The following KIF26B variants were observed in gnomAD, a reference collection of about 807,000 sequenced individuals.
The protein encoded by KIF26B is kinesin family member 26B, also known as kinesin-like protein KIF26B.
Under a neutral mutation model 151.2 loss-of-function variants are expected in KIF26B, and 63 were observed. That is an observed-to-expected ratio of 0.42 (90% CI 0.34 to 0.51). The LOEUF is 0.51. Among genes scored for constraint, KIF26B ranks in the 20% least tolerant of loss-of-function variants. The pLI is 0.07. For synonymous variants in KIF26B, 1,357 were observed against 1,262.1 expected, an observed-to-expected ratio of 1.08 and a Z score of -1.59; for missense variants, 2,813 against 2,913.6, an observed-to-expected ratio of 0.97 and a Z score of 0.79.
Position 245,686,599 on chromosome 1 carries a change from C to T in KIF26B, c.3616C>T (p.Arg1206Cys), listed in dbSNP as rs777110547. The T allele has an allele frequency of 1.2e-5, 20 of 1,611,436 alleles. No individual in the cohort carries two copies. The African/African-American group carries it at 1.3e-4, about 11-fold the overall frequency. The change falls in exon 12 of 15, where the codon CGC (arginine) becomes TGC (cysteine). Residue 1206 changes from arginine to cysteine, a missense_variant. Physicochemically the swap from Arg to Cys is radical, Grantham distance 180. This residue lies in a region of KIF26B where 2,060 missense variants were observed against 2,088.6 expected (regional missense o/e 0.99). Transcript: ENST00000407071. This position sits in a 1 kb window ranked among gnomAD's most constrained non-coding sequence, Gnocchi z 5.6. ...LTISGVLDSG[R>C]PTSIISFNSD... The stretch of plus-strand genomic sequence containing the variant: ...CATCAGCGGGGTCCTGGACAGCGGC[C>T]GCCCCACCAGCATCATCAGCTTCAA...
At chr1:245,319,602 T>G (rs2102986396) in intron 2 of KIF26B, among the ~76,000 whole-genome samples, 1 of 152,274 alleles carries the variant, frequency 6.6e-6, no homozygotes, top group African/African-American at 2.4e-5. Context: ...AACTTTGTCC[T>G]CTCGTGTGTG....
chr1:245,366,094 G>T (rs1231314625), intron 2 of KIF26B, among the ~76,000 whole-genome samples: 1 of 152,188 alleles, frequency 6.6e-6, no homozygotes, highest in East Asian at 1.9e-4. Flanking sequence ...CTAACTTTCT[G>T]TGGTAACAGG....
chr1:245,435,980 C>A (rs1658920800), intron 4 of KIF26B, among the ~76,000 whole-genome samples: 1 of 152,092 alleles, frequency 6.6e-6, no homozygotes, highest in African/African-American at 2.4e-5. Context: ...AGTTCGAGAC[C>A]AGCCTGGCCA....
intron 4 of KIF26B, among the ~76,000 whole-genome samples, chr1:245,473,949 A>G (rs934351940): frequency 6.6e-6 from 1 of 151,824 alleles, no homozygotes; most frequent in African/African-American, 2.4e-5. Flanking sequence ...CGTTCATATC[A>G]TTGTAAAGAT....
chr1:245,463,105 T>TG (rs1330820688), intron 4 of KIF26B, among the ~76,000 whole-genome samples: 2 of 152,196 alleles, frequency 1.3e-5, no homozygotes, highest in Non-Finnish European at 1.5e-5. Context: ...GAAGAGAACC[T>TG]GCTTCTTCGA....
At position 245,602,684 on chromosome 1, in the gene KIF26B, C is replaced by T. The variant is rs1196790622; in HGVS notation, c.1458C>T (p.Pro486=). The change falls in exon 6 of 15, where the codon CCC becomes CCT. Residue 486 remains proline, a synonymous_variant. Transcript: ENST00000407071. This position sits in a 1 kb window ranked among gnomAD's most constrained non-coding sequence, Gnocchi z 4.5. ...PRKKQITLYD[P]LTCGGQNAFQ... ...AGAAGCAGATCACCTTGTACGATCC[C>T]CTGACTTGTGGAGGTCAAAATGCCT... 1.9e-6 allele frequency: 3 copies of T among 1,613,898 alleles called. No individual in the cohort carries two copies. In the African/African-American group the frequency reaches 4.0e-5, roughly 22 times the overall value.
chr1:245,218,668 C>G lies in KIF26B; in HGVS notation c.465+61985C>G, dbSNP rs924738596. ...TAAGATGGGACTGCCTTGGAACAAA[C>G]AGTTTCAATGTCTATTTCACATGTG... On this transcript the variant is annotated intron_variant, in intron 2 of 14. Coordinates refer to ENST00000407071, the MANE Select transcript of KIF26B (RefSeq NM_018012.4). This position sits in a 1 kb window ranked among gnomAD's most constrained non-coding sequence, Gnocchi z 4.1. Among the ~76,000 whole-genome samples the G allele has an allele frequency of 4.3e-4, 65 of 152,196 alleles. No individual in the cohort carries two copies. Among genetic ancestry groups the G allele is most frequent in the African/African-American group, 1.5e-3 (64 of 41,438 alleles).
At chr1:245,216,380 T>C (rs1339236282) in intron 2 of KIF26B, 1 of 151,810 alleles carries the variant, frequency 6.6e-6, no homozygotes, top group Non-Finnish European at 1.5e-5. Flanking sequence ...ACTTGCAACC[T>C]TTACCCCGCC....
At position 245,419,765 on chromosome 1, in the gene KIF26B, C is replaced by G. The variant is rs1658428725; in HGVS notation, c.1166+20C>G. On this transcript the variant is annotated intron_variant, in intron 4 of 14. Coordinates refer to ENST00000407071, the MANE Select transcript of KIF26B (RefSeq NM_018012.4). ...TGCACGGTAAGAGAGCTGTTCAGATCCTTGGTTCTTTCCGATGAGCCCAGC... is the reference window on the plus strand; with the variant it reads ...TGCACGGTAAGAGAGCTGTTCAGATGCTTGGTTCTTTCCGATGAGCCCAGC... 6.3e-7 allele frequency: 1 copy of G among 1,587,994 alleles called. No homozygotes were observed.
At chr1:245,621,454 C>T (rs993484771) in intron 9 of KIF26B, among the ~76,000 whole-genome samples, 1 of 152,070 alleles carries the variant, frequency 6.6e-6, no homozygotes, top group African/African-American at 2.4e-5. Context: ...GTGGCTCAGG[C>T]GTAGGAGACG....
At chr1:245,259,468 A>G (rs1670594672) in intron 2 of KIF26B, among the ~76,000 whole-genome samples, 1 of 152,152 alleles carries the variant, frequency 6.6e-6, no homozygotes, top group Non-Finnish European at 1.5e-5. Context: ...AGTTGTCATG[A>G]TTCTAGAGAA....
In KIF26B at chr1:245,367,662, G is replaced by A. The variant is rs554440140; in HGVS notation, c.999+295G>A. On this transcript the variant is annotated intron_variant, in intron 3 of 14. Coordinates refer to ENST00000407071, the MANE Select transcript of KIF26B (RefSeq NM_018012.4). This position sits in a 1 kb window ranked among gnomAD's most constrained non-coding sequence, Gnocchi z 4.2. The stretch of plus-strand genomic sequence containing the variant: ...CCTTGCTGGTCCAGGTGATGCCAGC[G>A]ACTTCCCAGCCAGCAGATTTACCAC... Among the ~76,000 whole-genome samples the A allele has an allele frequency of 5.9e-5, 9 of 152,312 alleles. 1 individual carries two copies. In the South Asian group the frequency reaches 8.3e-4, roughly 14 times the overall value.
At chr1:245,256,216 A>G (rs1249539707) in intron 2 of KIF26B, among the ~76,000 whole-genome samples, 1 of 152,148 alleles carries the variant, frequency 6.6e-6, no homozygotes, top group Non-Finnish European at 1.5e-5. Flanking sequence ...AATGGCTCCC[A>G]GGTCACCCCT....
rs1036806382 is a variant in KIF26B at position 245,274,876 on chromosome 1, T to A, written c.466-91958T>A. 3.3e-5 allele frequency among the ~76,000 whole-genome samples: 5 copies of A among 152,210 alleles called. No individual in the cohort carries two copies. In the South Asian group the frequency reaches 1.0e-3, roughly 32 times the overall value. On this transcript the variant is annotated intron_variant, in intron 2 of 14. Coordinates refer to ENST00000407071, the MANE Select transcript of KIF26B (RefSeq NM_018012.4). ...TGCTGGGTCAGATGATATTTCTGGT[T>A]CTAGATCCTTGAGGAATTGCCACAC...
Position 245,602,648 on chromosome 1 carries a change from G to A in KIF26B, c.1422G>A (p.Val474=). ...DTSESSSFLK[V]DPRKKQITLY... Reference sequence around the variant, plus strand: ...CAGAATCCAGCTCTTTCTTAAAGGTGGACCCACGGAAGAAGCAGATCACCT... The same window carrying A: ...CAGAATCCAGCTCTTTCTTAAAGGTAGACCCACGGAAGAAGCAGATCACCT... Residue 474 remains valine, a synonymous_variant, in exon 6 of 15, where the codon GTG becomes GTA. Coordinates refer to ENST00000407071, the MANE Select transcript of KIF26B (RefSeq NM_018012.4). The surrounding 1 kb of genome is among the most constrained non-coding windows in gnomAD (Gnocchi z 4.5). 3.7e-6 allele frequency: 6 copies of A among 1,614,050 alleles called. No individual in the cohort carries two copies. The highest frequency in any genetic ancestry group is 4.2e-6 in the Non-Finnish European group (5 of 1,179,900).
intron 6 of KIF26B, among the ~76,000 whole-genome samples, chr1:245,603,082 T>C (rs1199661969): frequency 1.3e-5 from 2 of 150,506 alleles, no homozygotes; most frequent in Non-Finnish European, 3.0e-5. Context: ...ACAAGGACAA[T>C]GCGTCAAGGT....
At chr1:245,605,083 G>A (rs763401070) in intron 6 of KIF26B, among the ~76,000 whole-genome samples, 3 of 152,090 alleles carry the variant, frequency 2.0e-5, no homozygotes, top group Non-Finnish European at 4.4e-5. Context: ...TAGCAGTGTG[G>A]CCTCAGGCGA....
intron 3 of KIF26B, among the ~76,000 whole-genome samples, chr1:245,412,061 T>TAC (rs1178430041): frequency 2.0e-5 from 3 of 152,204 alleles, no homozygotes; most frequent in African/African-American, 4.8e-5. Context: ...TATTCTGGCA[T>TAC]ATTCTAAGAG....
At chr1:245,650,183 T>C (rs139094223) in intron 10 of KIF26B, among the ~76,000 whole-genome samples, 232 of 152,378 alleles carry the variant, frequency 1.5e-3, no homozygotes, top group Non-Finnish European at 2.4e-3. Flanking sequence ...CTCTAATTTT[T>C]GAGAGCCTCC....
Sources: gnomAD v4.1 joint callset for allele counts (sites outside exome capture counted in the v4.1 genomes callset) on GRCh38, gnomAD v4.1.1 for gene constraint, gnomAD v4.1.1 regional missense constraint, Gnocchi (gnomAD v3.1) non-coding constraint, MANE v1.5 for transcripts, NCBI Gene and HGNC (gene_info 2026-07-23, HGNC 2026-07-21) for gene names.